Variants in CYRIB observed in about 807,000 individuals in gnomAD.
The protein encoded by CYRIB is CYFIP-related Rac1 interactor B.
A neutral mutation model predicts 44.2 loss-of-function variants in CYRIB; 8 were observed. The observed-to-expected ratio is 0.18, with a 90% CI of 0.11 to 0.33. The LOEUF (loss-of-function observed/expected upper bound fraction) is 0.33. CYRIB is among the 10% of genes least tolerant of loss of function. The pLI is 1.00. For synonymous variants in CYRIB, 131 were observed against 127.2 expected (o/e 1.03, Z -0.20); for missense variants, 185 against 382.8 (o/e 0.48, Z 4.31).
intron 1 of CYRIB, among the ~76,000 whole-genome samples, chr8:129,928,227 T>C (rs2089171709): frequency 6.6e-6 from 1 of 151,042 alleles, no homozygotes; most frequent in South Asian, 2.1e-4. Flanking sequence ...TAGCATCAGT[T>C]ATTAAGGAGG....
At chr8:130,012,043 G>A (rs921585270) in intron 1 of CYRIB, among the ~76,000 whole-genome samples, 2 of 151,804 alleles carry the variant, frequency 1.3e-5, no homozygotes, top group African/African-American at 4.8e-5. Flanking sequence ...AATAAACCCC[G>A]CAATTCCTTT....
At chr8:129,853,832 C>T (rs1003218555) in intron 7 of CYRIB, among the ~76,000 whole-genome samples, 5 of 152,162 alleles carry the variant, frequency 3.3e-5, no homozygotes, top group Non-Finnish European at 7.4e-5. Flanking sequence ...CTCTTGCCAG[C>T]ATTAACCATT....
intron 2 of CYRIB, among the ~76,000 whole-genome samples, chr8:129,968,856 G>A (rs2095584578): frequency 6.6e-6 from 1 of 151,868 alleles, no homozygotes; most frequent in African/African-American, 2.4e-5. Flanking sequence ...GACCTTCAAG[G>A]CTCCAGAGCA....
At chr8:129,943,646 G>T (rs550883892), upstream of CYRIB, among the ~76,000 whole-genome samples, 15 of 137,058 alleles carry the variant, frequency 1.1e-4, no homozygotes, top group East Asian at 1.1e-3. Flanking sequence ...TGGCCCAGGC[G>T]GGAGTGCAGT....
At chr8:129,885,699 T>C (rs2062473104) in intron 2 of CYRIB, among the ~76,000 whole-genome samples, 1 of 152,140 alleles carries the variant, frequency 6.6e-6, no homozygotes, top group African/African-American at 2.4e-5. Context: ...AAACTGCCTG[T>C]TGTTGAAAGC....
At chr8:129,957,159 G>A (rs555321239) in intron 2 of CYRIB, among the ~76,000 whole-genome samples, 6 of 152,252 alleles carry the variant, frequency 3.9e-5, no homozygotes, top group Admixed American at 2.6e-4. Context: ...ACTGTGCATG[G>A]CCTAAGCCTC....
intron 1 of CYRIB, among the ~76,000 whole-genome samples, chr8:129,982,340 G>A (rs1291131573): frequency 6.6e-6 from 1 of 152,176 alleles, no homozygotes; most frequent in African/African-American, 2.4e-5. Flanking sequence ...GGCCACATGT[G>A]GTTACTGAGC....
At chr8:129,845,480 T>C (rs2039406898) in intron 11 of CYRIB, among the ~76,000 whole-genome samples, 1 of 152,258 alleles carries the variant, frequency 6.6e-6, no homozygotes, top group Admixed American at 6.5e-5. Flanking sequence ...ACTAGGCTTA[T>C]GGTTAAAATA....
intron 1 of CYRIB, among the ~76,000 whole-genome samples, chr8:129,923,066 TAAA>T (rs771693266): frequency 1.1e-5 from 1 of 92,478 alleles, no homozygotes. Context: ...CCGTCTCTAC[TAAA>T]AAAAAAAAAA....
At chr8:129,892,629 C>A (rs1332884243) in intron 2 of CYRIB, among the ~76,000 whole-genome samples, 1 of 151,370 alleles carries the variant, frequency 6.6e-6, no homozygotes, top group South Asian at 2.1e-4. Context: ...TTCAAAATTA[C>A]ACTAGGCTGA....
At chr8:129,869,407 A>G (rs1483097347) in intron 4 of CYRIB, among the ~76,000 whole-genome samples, 2 of 147,466 alleles carry the variant, frequency 1.4e-5, no homozygotes, top group Non-Finnish European at 3.0e-5. Context: ...AAAAAAAATC[A>G]AACAGGTAAT....
chr8:129,874,987 T>C (rs1226484086), intron 3 of CYRIB, among the ~76,000 whole-genome samples: 1 of 152,220 alleles, frequency 6.6e-6, no homozygotes, highest in Non-Finnish European at 1.5e-5. Flanking sequence ...TGACTACCTC[T>C]ATTTACTCTC....
intron 1 of CYRIB, among the ~76,000 whole-genome samples, chr8:129,930,942 T>C (rs1215911991): frequency 6.6e-6 from 1 of 152,120 alleles, no homozygotes; most frequent in Non-Finnish European, 1.5e-5. Context: ...TCTCCATACT[T>C]TTGAAAAAAA....
chr8:129,930,955 C>T (rs2091054169), intron 1 of CYRIB, among the ~76,000 whole-genome samples: 2 of 151,872 alleles, frequency 1.3e-5, no homozygotes, highest in South Asian at 2.1e-4. Context: ...GAAAAAAACT[C>T]GGTAAATATA....
At chr8:129,992,331 T>A (rs1328556642) in intron 1 of CYRIB, among the ~76,000 whole-genome samples, 4 of 152,130 alleles carry the variant, frequency 2.6e-5, no homozygotes, top group South Asian at 2.1e-4. Flanking sequence ...AAACATTTTT[T>A]AAAAATCTGA....
chr8:129,987,436 G>C (rs1374155575), intron 1 of CYRIB, among the ~76,000 whole-genome samples: 1 of 152,052 alleles, frequency 6.6e-6, no homozygotes, highest in Non-Finnish European at 1.5e-5. Flanking sequence ...TGGCACCTGG[G>C]AGGCTGAGCT....
intron 1 of CYRIB, among the ~76,000 whole-genome samples, chr8:129,920,538 A>G (rs1355598140): frequency 6.6e-6 from 1 of 152,146 alleles, no homozygotes; most frequent in Non-Finnish European, 1.5e-5. Flanking sequence ...TTTAACAGAT[A>G]GTCACCCACA....
Position 129,846,435 on chromosome 8 carries a change from G to A in CYRIB, c.911+369C>T, listed in dbSNP as rs139665949. Among the ~76,000 whole-genome samples the A allele has an allele frequency of 1.6e-3, 240 of 152,270 alleles. 2 individuals carry two copies. The highest frequency in any genetic ancestry group is 2.4e-3 in the Non-Finnish European group (163 of 68,010). On this transcript the variant is annotated intron_variant, in intron 11 of 11. Transcript: ENST00000519824. Reference sequence around the variant, plus strand: ...GCTAATAGTGGCTTATCTCAAAATGGTGAGATTACATTATTTCTTTTTATT... The same window carrying A: ...GCTAATAGTGGCTTATCTCAAAATGATGAGATTACATTATTTCTTTTTATT...
intron 1 of CYRIB, among the ~76,000 whole-genome samples, chr8:129,921,819 G>A (rs1042227297): frequency 6.6e-6 from 1 of 152,084 alleles, no homozygotes; most frequent in African/African-American, 2.4e-5. Context: ...TTTTCTATCA[G>A]ACAGCTTGCC....
Sources: allele counts gnomAD v4.1 joint callset (sites outside exome capture counted in the v4.1 genomes callset), GRCh38; gene constraint gnomAD v4.1.1; transcripts MANE v1.5; gene names NCBI Gene and HGNC (gene_info 2026-07-23, HGNC 2026-07-21).